The following ARHGAP28 variants were observed in gnomAD, a reference collection of about 807,000 sequenced individuals.
The protein encoded by ARHGAP28 is rho GTPase-activating protein 28.
Under a neutral mutation model 90.7 loss-of-function variants are expected in ARHGAP28, and 56 were observed. The observed-to-expected ratio is 0.62, with a 90% CI of 0.50 to 0.77. The LOEUF is 0.77. Among genes scored for constraint, ARHGAP28 ranks in the 30% least tolerant of loss-of-function variants. The pLI is 0.00. For missense variants in ARHGAP28, 869 were observed against 900.9 expected (o/e 0.96, Z 0.45); for synonymous variants, 308 against 323.3 (o/e 0.95, Z 0.51).
chr18:6,903,561 G>A (rs1464023245), intron 16 of ARHGAP28, among the ~76,000 whole-genome samples: 1 of 152,048 alleles, frequency 6.6e-6, no homozygotes, highest in East Asian at 1.9e-4. Context: ...GGCTGGGCAC[G>A]ATGACTCATG....
chr18:6,878,159 G>A (rs1211794334), intron 10 of ARHGAP28, among the ~76,000 whole-genome samples: 1 of 152,042 alleles, frequency 6.6e-6, no homozygotes, highest in African/African-American at 2.4e-5. Flanking sequence ...GGAATACTAT[G>A]CAGCCATAAA....
chr18:6,873,406 T>G lies in ARHGAP28; in HGVS notation c.955-3T>G. 6.3e-7 allele frequency: 1 copy of G among 1,599,002 alleles called. No individual in the cohort carries two copies. On this transcript the variant is annotated splice_region_variant and splice_polypyrimidine_tract_variant and intron_variant, in intron 7 of 17. Transcript: ENST00000383472. ...AAATAAATACCTTCACTGTGTGTTTTAGAAATTTAATGTTCAGAAAACCAG... is the reference window on the plus strand; with the variant it reads ...AAATAAATACCTTCACTGTGTGTTTGAGAAATTTAATGTTCAGAAAACCAG...
chr18:6,892,122 G>GA (rs145403654), intron 14 of ARHGAP28, among the ~76,000 whole-genome samples: 3,524 of 152,172 alleles, frequency 0.023, 113 homozygotes, highest in African/African-American at 0.08. Flanking sequence ...TTTTAATTGA[G>GA]AAAAAATCAC....
intron 3 of ARHGAP28, chr18:6,850,751 G>T: frequency 6.9e-7 from 1 of 1,449,052 alleles, no homozygotes; most frequent in Non-Finnish European, 9.2e-7. Context: ...GCAAAATCAT[G>T]ATATTCATAA....
chr18:6,839,522 T>C (rs369856803), intron 3 of ARHGAP28, among the ~76,000 whole-genome samples: 149 of 152,116 alleles, frequency 9.8e-4, no homozygotes, highest in Middle Eastern at 3.4e-3. Context: ...TGGTCTCGAT[T>C]TCCTGACCTC....
At position 6,842,191 on chromosome 18, in the gene ARHGAP28, A is replaced by C. The variant is rs951008975; in HGVS notation, c.543+4777A>C. ...TAGCGAGACCATGTCTCTACAAAAA[A>C]AATTTTTTTAAATTAGCCAGTTGCG... On this transcript the variant is annotated intron_variant, in intron 3 of 17. Transcript: ENST00000383472. 5.3e-5 allele frequency among the ~76,000 whole-genome samples: 8 copies of C among 152,192 alleles called. 1 individual carries two copies. The highest frequency in any genetic ancestry group is 2.0e-4 in the Admixed American group (3 of 15,282).
intron 1 of ARHGAP28, among the ~76,000 whole-genome samples, chr18:6,743,349 T>C (rs2055995817): frequency 6.6e-6 from 1 of 152,198 alleles, no homozygotes; most frequent in Non-Finnish European, 1.5e-5. Context: ...TTGTCTATTT[T>C]CTTCATTACT....
At chr18:6,875,330 C>T (rs2057122689) in intron 9 of ARHGAP28, among the ~76,000 whole-genome samples, 1 of 152,228 alleles carries the variant, frequency 6.6e-6, no homozygotes. Flanking sequence ...GTTTCTTCTT[C>T]CTAAATGTCT....
At chr18:6,820,794 G>C (rs907681231) in intron 1 of ARHGAP28, among the ~76,000 whole-genome samples, 1 of 152,128 alleles carries the variant, frequency 6.6e-6, no homozygotes, top group African/African-American at 2.4e-5. Flanking sequence ...AAAAATATTT[G>C]TCAAAAATGG....
At chr18:6,893,548 G>A (rs922609480) in intron 14 of ARHGAP28, among the ~76,000 whole-genome samples, 16 of 152,164 alleles carry the variant, frequency 1.1e-4, no homozygotes, top group African/African-American at 3.9e-4. Context: ...GTGGAACAGA[G>A]GTCAGGTCAG....
chr18:6,771,526 A>G (rs1021268950), intron 1 of ARHGAP28, among the ~76,000 whole-genome samples: 12 of 152,360 alleles, frequency 7.9e-5, no homozygotes, highest in Admixed American at 3.9e-4. Flanking sequence ...TATGTTCCAC[A>G]TGATCTTTTG....
chr18:6,876,941 G>A (rs1204771229), intron 10 of ARHGAP28, among the ~76,000 whole-genome samples: 2 of 152,166 alleles, frequency 1.3e-5, no homozygotes, highest in East Asian at 3.9e-4. Context: ...GTGTCTGCGG[G>A]TAGGCATACA....
chr18:6,753,330 T>A (rs2056084995), intron 1 of ARHGAP28, among the ~76,000 whole-genome samples: 1 of 152,244 alleles, frequency 6.6e-6, no homozygotes, highest in Non-Finnish European at 1.5e-5. Context: ...TTCAAATTAG[T>A]CTTTAAATTT....
At chr18:6,890,607 C>T in intron 14 of ARHGAP28, 64 bp downstream of exon 14, 2 of 949,650 alleles carry the variant, frequency 2.1e-6, no homozygotes, top group Non-Finnish European at 3.2e-6. Context: ...CAAAGGGGGG[C>T]ACAAAGTAGC....
At chr18:6,854,920 G>A (rs562122516) in intron 4 of ARHGAP28, among the ~76,000 whole-genome samples, 13 of 152,340 alleles carry the variant, frequency 8.5e-5, no homozygotes, top group African/African-American at 3.1e-4. Context: ...CCCAGCCCGG[G>A]CGCTGTTGCA....
chr18:6,841,250 TGTCTCCCTCCCTATCCCTTG>T lies in ARHGAP28; in HGVS notation c.543+3851_543+3870del, dbSNP rs1378523112. ...CCCCAACCCGCCCCCACCAATTGTG[TGTCTCCCTCCCTATCCCTTG>T]GTCTCCCTCCCTATTCCTTCTTATT... On this transcript the variant is annotated intron_variant, in intron 3 of 17. Coordinates refer to ENST00000383472, the MANE Select transcript of ARHGAP28 (RefSeq NM_001366230.1). Among the ~76,000 whole-genome samples, 48 of 130,958 alleles carry T rather than the reference TGTCTCCCTCCCTATCCCTTG, an allele frequency of 3.7e-4. 1 individual carries two copies. The highest frequency in any genetic ancestry group is 9.6e-4 in the East Asian group (4 of 4,158). The allele number at this position is 130,958 out of a possible 152,430, so 85.9% of individuals were successfully genotyped here. A position where few individuals can be genotyped will look rare whatever the true frequency, so the allele number is the denominator to read the frequency against.
intron 1 of ARHGAP28, among the ~76,000 whole-genome samples, chr18:6,763,783 G>T (rs2056180037): frequency 6.6e-6 from 1 of 152,188 alleles, no homozygotes; most frequent in African/African-American, 2.4e-5. Flanking sequence ...AAGGAGAACA[G>T]CAATGCTCTT....
chr18:6,856,874 T>C (rs2056958132), intron 4 of ARHGAP28, among the ~76,000 whole-genome samples: 1 of 152,254 alleles, frequency 6.6e-6, no homozygotes, highest in Non-Finnish European at 1.5e-5. Flanking sequence ...TGTTCTTTTA[T>C]GTCTGGCTTC....
chr18:6,767,630 G>T (rs2056209699), intron 1 of ARHGAP28, among the ~76,000 whole-genome samples: 1 of 152,100 alleles, frequency 6.6e-6, no homozygotes, highest in Non-Finnish European at 1.5e-5. Context: ...CTTTAAAGAT[G>T]TTGCTCTACT....
Sources: gnomAD v4.1 joint callset for allele counts (sites outside exome capture counted in the v4.1 genomes callset) on GRCh38, gnomAD v4.1.1 for gene constraint, MANE v1.5 for transcripts, NCBI Gene and HGNC (gene_info 2026-07-23, HGNC 2026-07-21) for gene names.